Variants in RIN3 observed in about 807,000 individuals in gnomAD.
The protein encoded by RIN3 is Ras and Rab interactor 3.
Under a neutral mutation model 76.3 loss-of-function variants are expected in RIN3, and 54 were observed. The ratio of observed to expected loss-of-function variants is 0.71; its 90% CI spans 0.57 to 0.89. The LOEUF (loss-of-function observed/expected upper bound fraction) is 0.89, where lower values mean the gene tolerates loss of function less well. RIN3 is among the 40% of genes least tolerant of loss of function. The pLI, the probability that RIN3 is intolerant of heterozygous loss-of-function variation, is 0.00. For missense variants in RIN3, 1,256 were observed against 1,322.1 expected, an observed-to-expected ratio of 0.95 and a Z score of 0.78; for synonymous variants, 576 against 564.0, an observed-to-expected ratio of 1.02 and a Z score of -0.30.
chr14:92,547,903 C>A lies in RIN3; in HGVS notation c.45-7848C>A, dbSNP rs187255495. Among the ~76,000 whole-genome samples, 1,182 of 152,162 alleles carry A rather than the reference C, an allele frequency of 7.8e-3. 15 individuals are homozygous for A. The highest frequency in any genetic ancestry group is 0.027 in the African/African-American group (1,123 of 41,496). The stretch of plus-strand genomic sequence containing the variant: ...ATTTTTAGTAGAGATGGGGTTTCAC[C>A]ATGTTGGCCAGGCTGGTCTCAAACT... On this transcript the variant is annotated intron_variant, in intron 1 of 9. Transcript: ENST00000216487.
At chr14:92,649,119 C>T (rs1313532681) in intron 5 of RIN3, among the ~76,000 whole-genome samples, 1 of 152,198 alleles carries the variant, frequency 6.6e-6, no homozygotes, top group East Asian at 1.9e-4. Context: ...CACCAAGGGC[C>T]TGCCGTATGC....
At chr14:92,640,902 G>T (rs1427355147) in intron 4 of RIN3, among the ~76,000 whole-genome samples, 2 of 152,082 alleles carry the variant, frequency 1.3e-5, no homozygotes, top group African/African-American at 4.8e-5. Flanking sequence ...AGGGTCAGAG[G>T]GCAGGGAGGG....
At chr14:92,636,911 A>G (rs999659047) in intron 4 of RIN3, among the ~76,000 whole-genome samples, 18 of 152,132 alleles carry the variant, frequency 1.2e-4, no homozygotes, top group Non-Finnish European at 2.4e-4. Context: ...TATATAAAAA[A>G]ATAGTAAAAT....
intron 2 of RIN3, among the ~76,000 whole-genome samples, chr14:92,564,130 T>C (rs1344275481): frequency 2.0e-5 from 3 of 152,218 alleles, no homozygotes; most frequent in Non-Finnish European, 2.9e-5. Context: ...ATAACAGAAG[T>C]GGAAAAGCAG....
At chr14:92,635,767 C>T (rs570367293) in intron 4 of RIN3, among the ~76,000 whole-genome samples, 1 of 151,988 alleles carries the variant, frequency 6.6e-6, no homozygotes, top group Non-Finnish European at 1.5e-5. Flanking sequence ...GCAGGAGAAT[C>T]GCTTGAACCC....
intron 3 of RIN3, among the ~76,000 whole-genome samples, chr14:92,609,858 T>C (rs1885661598): frequency 9.6e-6 from 1 of 103,896 alleles, no homozygotes; most frequent in African/African-American, 2.9e-5. Context: ...TGTGTGTGTG[T>C]GTGTGTGTGT....
rs200917324 is a variant in RIN3 at position 92,657,993 on chromosome 14, A to AACC, written c.2027-1166_2027-1164dup. ...TGGGACCTCCCCTTACTCAGCCCGT[A>AACC]ACCAAGACCCATCCCCTGGAGACAG... On this transcript the variant is annotated intron_variant, in intron 6 of 9. Transcript: ENST00000216487. Among the ~76,000 whole-genome samples, 526 of 152,284 alleles carry AACC rather than the reference A, an allele frequency of 3.5e-3. 3 individuals carry two copies. Among genetic ancestry groups the AACC allele is most frequent in the African/African-American group, 0.012 (497 of 41,550 alleles).
rs1182611830 is a variant in RIN3, at chr14:92,648,231, G to A, written c.533-3351G>A. On this transcript the variant is annotated intron_variant, in intron 5 of 9. Transcript: ENST00000216487. This position sits in a 1 kb window ranked among gnomAD's most constrained non-coding sequence, Gnocchi z 4.1. ...ACATTGGCTTTGAGAACTTTGCCCTGCCAGGGTTTGCCAGGGTGCAAACCC... is the reference window on the plus strand; with the variant it reads ...ACATTGGCTTTGAGAACTTTGCCCTACCAGGGTTTGCCAGGGTGCAAACCC... Among the ~76,000 whole-genome samples, 1 of 151,830 alleles carries A rather than the reference G, an allele frequency of 6.6e-6. No homozygotes were observed. The highest frequency in any genetic ancestry group is 2.4e-5 in the African/African-American group (1 of 41,324).
At position 92,651,718 on chromosome 14, in the gene RIN3, C is replaced by A; in HGVS notation, c.669C>A (p.Ile223=). Residue 223 remains isoleucine, a synonymous_variant, in exon 6 of 10, where the codon ATC becomes ATA. Transcript: ENST00000216487. The part of the protein sequence containing the change: ...TAHDANCACE[I]ELSVGNDRLW... ...ATGACGCAAACTGTGCCTGTGAAAT[C>A]GAGCTGTCGGTAGGAAATGACCGCC... is the stretch of plus-strand genomic sequence containing the variant. 1 of 1,614,134 alleles carries A rather than the reference C, an allele frequency of 6.2e-7. No individual in the cohort carries two copies. Among genetic ancestry groups the A allele is most frequent in the Non-Finnish European group, 8.5e-7 (1 of 1,180,006 alleles).
rs146957555 is a variant in RIN3 at position 92,516,049 on chromosome 14, C to T, written c.44+2073C>T. On this transcript the variant is annotated intron_variant, in intron 1 of 9. Transcript: ENST00000216487. ...TCTCAGAGTCCACTCAGGCCAGTAGCTTTCAGGGGGTAGGGAGAGACCTAG... is the reference window on the plus strand; with the variant it reads ...TCTCAGAGTCCACTCAGGCCAGTAGTTTTCAGGGGGTAGGGAGAGACCTAG... Among the ~76,000 whole-genome samples, 913 of 152,256 alleles carry T rather than the reference C, an allele frequency of 6.0e-3. 9 individuals are homozygous for T. The highest frequency in any genetic ancestry group is 0.037 in the Middle Eastern group (11 of 294).
chr14:92,529,215 A>G (rs2140001965), intron 1 of RIN3, among the ~76,000 whole-genome samples: 1 of 152,242 alleles, frequency 6.6e-6, no homozygotes, highest in Non-Finnish European at 1.5e-5. Context: ...CTTACTTGCT[A>G]AAATGCATTT....
intron 1 of RIN3, among the ~76,000 whole-genome samples, chr14:92,553,911 G>A (rs1353239370): frequency 6.6e-6 from 1 of 152,098 alleles, no homozygotes; most frequent in East Asian, 1.9e-4. Flanking sequence ...TGCCTTCAGG[G>A]GTGGTTCCAC....
At chr14:92,647,079 G>T (rs1887228491) in intron 5 of RIN3, among the ~76,000 whole-genome samples, 1 of 152,116 alleles carries the variant, frequency 6.6e-6, no homozygotes, top group Non-Finnish European at 1.5e-5. Context: ...TTATTTGTTT[G>T]GCATGCCACT....
At chr14:92,605,836 A>G (rs1025726108) in intron 3 of RIN3, among the ~76,000 whole-genome samples, 19 of 152,242 alleles carry the variant, frequency 1.2e-4, no homozygotes, top group Admixed American at 4.6e-4. Flanking sequence ...AACTGGTTAA[A>G]GGCCCACAAT....
At chr14:92,522,985 G>C (rs1316769742) in intron 1 of RIN3, among the ~76,000 whole-genome samples, 1 of 152,214 alleles carries the variant, frequency 6.6e-6, no homozygotes, top group Non-Finnish European at 1.5e-5. Flanking sequence ...CTTAAGCATA[G>C]AAGCTATGCA....
chr14:92,660,912 G>A (rs184335891), intron 7 of RIN3, among the ~76,000 whole-genome samples: 3 of 152,340 alleles, frequency 2.0e-5, no homozygotes, highest in African/African-American at 7.2e-5. Context: ...GCAGTGAGCA[G>A]ACTGTGTACC....
intron 7 of RIN3, among the ~76,000 whole-genome samples, chr14:92,666,564 T>C (rs1888112906): frequency 9.8e-6 from 1 of 101,788 alleles, no homozygotes; most frequent in East Asian, 2.9e-4. Context: ...CCCTCCATCC[T>C]GGAATCAGGA....
intron 2 of RIN3, among the ~76,000 whole-genome samples, chr14:92,565,187 C>T (rs1326844536): frequency 6.6e-6 from 1 of 152,202 alleles, no homozygotes; most frequent in Non-Finnish European, 1.5e-5. Flanking sequence ...ATGCCTTTCC[C>T]TGTCCAGGGT....
chr14:92,615,610 G>A, intron 4 of RIN3, 131 bp downstream of exon 4: 1 of 762,140 alleles, frequency 1.3e-6, no homozygotes. Flanking sequence ...CAGAGAGAGG[G>A]CACAGGCCCC....
Sources: allele counts gnomAD v4.1 joint callset (sites outside exome capture counted in the v4.1 genomes callset), GRCh38; gene constraint gnomAD v4.1.1; non-coding constraint Gnocchi (gnomAD v3.1); transcripts MANE v1.5; gene names NCBI Gene and HGNC (gene_info 2026-07-23, HGNC 2026-07-21).